Variants in ZFHX3 observed in about 807,000 individuals in gnomAD.
The protein encoded by ZFHX3 is zinc finger homeobox protein 3.
ZFHX3 carries 42 observed loss-of-function variants against 279.1 expected under a neutral mutation model. The observed-to-expected ratio is 0.15, with a 90% CI of 0.12 to 0.19. The LOEUF (loss-of-function observed/expected upper bound fraction) is 0.19, where lower values mean the gene tolerates loss of function less well. Among genes scored for constraint, ZFHX3 ranks in the 10% least tolerant of loss-of-function variants. The probability of loss-of-function intolerance (pLI) is 1.00; values close to 1 mark genes in which losing one functional copy is unlikely to be tolerated. For missense variants in ZFHX3, 4,981 were observed against 4,754.0 expected (o/e 1.05, Z -1.40); for synonymous variants, 2,293 against 1,957.8 (o/e 1.17, Z -4.52).
At chr16:73,191,992 G>C (rs1388729114) in intron 5 of ZFHX3, among the ~76,000 whole-genome samples, 1 of 152,232 alleles carries the variant, frequency 6.6e-6, no homozygotes, top group Admixed American at 6.5e-5. Context: ...CCCGTTAGAA[G>C]TGCTGCTGGC....
chr16:73,286,248 G>T (rs748650147), intron 4 of ZFHX3, among the ~76,000 whole-genome samples: 3 of 151,942 alleles, frequency 2.0e-5, no homozygotes, highest in Non-Finnish European at 4.4e-5. Flanking sequence ...AACAGTAATG[G>T]AACAACGGCC....
At chr16:72,890,511 T>C (rs73590758) in intron 3 of ZFHX3, among the ~76,000 whole-genome samples, 9,387 of 149,220 alleles carry the variant, frequency 0.063, 458 homozygotes, top group African/African-American at 0.14. Flanking sequence ...TTTTTTTTTT[T>C]CCCCCAGAGT....
At chr16:73,473,045 T>A (rs2018696593) in intron 2 of ZFHX3, among the ~76,000 whole-genome samples, 1 of 150,718 alleles carries the variant, frequency 6.6e-6, no homozygotes, top group African/African-American at 2.4e-5. Flanking sequence ...TGAAGATGTA[T>A]CAGGTATAAG....
At chr16:73,353,073 A>G (rs2016277235) in intron 3 of ZFHX3, among the ~76,000 whole-genome samples, 1 of 152,186 alleles carries the variant, frequency 6.6e-6, no homozygotes. Context: ...GGCAGTGACA[A>G]TGAATGAATT....
rs375991410 is a variant in ZFHX3 at position 72,959,244 on chromosome 16, G to A, written c.902C>T (p.Ala301Val). The A allele has an allele frequency of 1.7e-5, 28 of 1,614,158 alleles. No individual in the cohort carries two copies. The highest frequency in any genetic ancestry group is 4.0e-5 in the African/African-American group (3 of 75,024). The change falls in exon 2 of 10, where the codon GCG becomes GTG. Residue 301 changes from alanine to valine, a missense_variant. Ala to Val is a moderately conservative substitution (Grantham distance 64). Coordinates refer to ENST00000268489, the MANE Select transcript of ZFHX3 (RefSeq NM_006885.4). ...FGYVRSFVTH[A>V]VHDHRMTLSE... ...CAGGGTCATTCGATGGTCATGCACCGCGTGGGTCACAAACGAACGGACGTA... is the reference window on the plus strand; with the variant it reads ...CAGGGTCATTCGATGGTCATGCACCACGTGGGTCACAAACGAACGGACGTA...
intron 3 of ZFHX3, among the ~76,000 whole-genome samples, chr16:73,435,322 C>A (rs2017978152): frequency 2.0e-5 from 3 of 152,176 alleles, no homozygotes; most frequent in Admixed American, 2.0e-4. Context: ...GATTCTCCTG[C>A]CTCAGCCTCC....
At chr16:73,598,637 C>G (rs1453589993) in intron 2 of ZFHX3, among the ~76,000 whole-genome samples, 1 of 151,938 alleles carries the variant, frequency 6.6e-6, no homozygotes, top group Non-Finnish European at 1.5e-5. Context: ...CCAGGCTGGT[C>G]TCAAACTCCT....
At chr16:73,535,188 A>G (rs1210806437) in intron 2 of ZFHX3, among the ~76,000 whole-genome samples, 1 of 152,224 alleles carries the variant, frequency 6.6e-6, no homozygotes, top group African/African-American at 2.4e-5. Flanking sequence ...ATAATAGCCT[A>G]ATTTCACCAG....
intron 2 of ZFHX3, among the ~76,000 whole-genome samples, chr16:73,479,000 C>T (rs997045413): frequency 2.0e-5 from 3 of 152,058 alleles, no homozygotes; most frequent in African/African-American, 7.2e-5. Context: ...TGCAGTGAGC[C>T]GAGATCATGC....
chr16:73,037,741 C>G (rs892259061), intron 1 of ZFHX3, among the ~76,000 whole-genome samples: 2 of 152,118 alleles, frequency 1.3e-5, no homozygotes, highest in Non-Finnish European at 2.9e-5. Context: ...ATATGAACAG[C>G]CCTTCGTGTG....
At chr16:73,793,065 G>T (rs1446875790) in intron 1 of ZFHX3, among the ~76,000 whole-genome samples, 1 of 152,100 alleles carries the variant, frequency 6.6e-6, no homozygotes, top group Non-Finnish European at 1.5e-5. Context: ...GCAGACAGGG[G>T]GACTTCAGCT....
intron 4 of ZFHX3, among the ~76,000 whole-genome samples, chr16:72,867,383 C>T (rs932533684): frequency 6.6e-6 from 1 of 152,160 alleles, no homozygotes; most frequent in Non-Finnish European, 1.5e-5. Flanking sequence ...CTGTCTAATC[C>T]TGAGCAGGAA....
chr16:73,032,187 C>T (rs1964729869), intron 1 of ZFHX3, among the ~76,000 whole-genome samples: 1 of 152,038 alleles, frequency 6.6e-6, no homozygotes, highest in African/African-American at 2.4e-5. Flanking sequence ...GTCCGAGCTA[C>T]TCGGGTTGCG....
At chr16:73,776,043 A>T (rs1032149970) in intron 1 of ZFHX3, among the ~76,000 whole-genome samples, 2 of 152,200 alleles carry the variant, frequency 1.3e-5, no homozygotes, top group Non-Finnish European at 2.9e-5. Context: ...TGCAGACCTG[A>T]CTTAACAGAC....
At chr16:73,174,854 C>CAAAA (rs1967622681) in intron 5 of ZFHX3, among the ~76,000 whole-genome samples, 1 of 97,368 alleles carries the variant, frequency 1.0e-5, no homozygotes, top group Non-Finnish European at 1.9e-5. Context: ...CCCGTCTCTA[C>CAAAA]TAAAAATACA....
intron 4 of ZFHX3, among the ~76,000 whole-genome samples, chr16:72,875,138 A>C (rs1174431928): frequency 3.9e-5 from 6 of 152,190 alleles, no homozygotes; most frequent in African/African-American, 1.2e-4. Flanking sequence ...TTAACCAAGA[A>C]AACTGCCCCT....
chr16:73,682,922 AAG>A (rs201697940), intron 1 of ZFHX3, among the ~76,000 whole-genome samples: 15,948 of 54,290 alleles, frequency 0.29, 2,718 homozygotes, highest in Non-Finnish European at 0.32. Flanking sequence ...GAAAGAGAGA[AAG>A]AGAAAGAAAG....
chr16:73,473,372 ACAAAAT>A (rs2018710133), intron 2 of ZFHX3, among the ~76,000 whole-genome samples: 2 of 150,330 alleles, frequency 1.3e-5, no homozygotes, highest in African/African-American at 5.0e-5. Flanking sequence ...AAAAAAAAAA[ACAAAAT>A]AATAAGCTAT....
chr16:73,068,889 G>T (rs1347478507), intron 8 of ZFHX3, among the ~76,000 whole-genome samples: 1 of 152,196 alleles, frequency 6.6e-6, no homozygotes, highest in Non-Finnish European at 1.5e-5. Context: ...CAAAGATGAT[G>T]CCTGCTTTGC....
Sources: gnomAD v4.1 joint callset for allele counts (sites outside exome capture counted in the v4.1 genomes callset) on GRCh38, gnomAD v4.1.1 for gene constraint, MANE v1.5 for transcripts, NCBI Gene and HGNC (gene_info 2026-07-23, HGNC 2026-07-21) for gene names.